The following ARID1A variants were observed in gnomAD, a reference collection of about 807,000 sequenced individuals.
ARID1A encodes the protein AT-rich interaction domain 1A.
ARID1A carries 20 observed loss-of-function variants against 212.6 expected under a neutral mutation model. The ratio of observed to expected loss-of-function variants is 0.09; its 90% confidence interval spans 0.07 to 0.14. ARID1A has a LOEUF of 0.14. Ranked by LOEUF, ARID1A falls within the 10% of genes least tolerant of loss-of-function variation. The probability of loss-of-function intolerance (pLI) is 1.00; values close to 1 mark genes in which losing one functional copy is unlikely to be tolerated. For missense variants in ARID1A, 2,587 were observed against 3,059.0 expected (o/e 0.85, Z 3.64); for synonymous variants, 1,376 against 1,222.1 (o/e 1.13, Z -2.63).
intron 4 of ARID1A, among the ~76,000 whole-genome samples, chr1:26,744,160 T>G (rs1457953139): frequency 6.6e-6 from 1 of 152,184 alleles, no homozygotes; most frequent in Non-Finnish European, 1.5e-5. Flanking sequence ...AGAACGCTGG[T>G]TCTCTGGGCT....
intron 12 of ARID1A, chr1:26,772,276 T>A: frequency 1.7e-6 from 1 of 599,754 alleles, no homozygotes. Context: ...CATGGCCACA[T>A]CACTCCTCTT....
At chr1:26,754,764 A>G (rs1485334680) in intron 4 of ARID1A, among the ~76,000 whole-genome samples, 2 of 152,168 alleles carry the variant, frequency 1.3e-5, no homozygotes, top group Admixed American at 1.3e-4. Context: ...GGCTTCCACC[A>G]CTTGCCAGAT....
chr1:26,747,420 A>G (rs1157098750), intron 4 of ARID1A, among the ~76,000 whole-genome samples: 2 of 152,216 alleles, frequency 1.3e-5, no homozygotes, highest in African/African-American at 4.8e-5. Flanking sequence ...CTTGAGAGTC[A>G]GCGAACCTGT....
rs750682204 is a variant in ARID1A, at chr1:26,773,355, G to A, written c.3725G>A (p.Ser1242Asn). The change falls in exon 15 of 20, where the codon AGT becomes AAT. Residue 1242 changes from serine (S) to asparagine (N), a missense_variant. Physicochemically the swap from Ser to Asn is conservative, Grantham distance 46. This residue lies in a region of ARID1A where 890 missense variants were observed against 1,098.2 expected (regional missense o/e 0.81). Transcript: ENST00000324856. ...GCCTTTCTACGCTCAGCTCCAGGGA[G>A]TGATCCCTTCATGTCCTCAGGGCAG... ...PYGSMRKAPGSDPFMSSGQGP... is the reference protein window; with the variant it reads ...PYGSMRKAPGNDPFMSSGQGP... 1 of 1,590,126 alleles carries A rather than the reference G, an allele frequency of 6.3e-7. No individual in the cohort carries two copies. Among genetic ancestry groups the A allele is most frequent in the Non-Finnish European group, 8.6e-7 (1 of 1,169,426 alleles).
At chr1:26,717,577 T>G (rs2080515335) in intron 1 of ARID1A, among the ~76,000 whole-genome samples, 1 of 152,230 alleles carries the variant, frequency 6.6e-6, no homozygotes, top group Non-Finnish European at 1.5e-5. Flanking sequence ...GTTCTACAAA[T>G]TTCCAAGCTC....
chr1:26,761,649 T>TG (rs1218464061), intron 6 of ARID1A, among the ~76,000 whole-genome samples, 176 bp downstream of exon 6: 1 of 152,242 alleles, frequency 6.6e-6, no homozygotes, highest in African/African-American at 2.4e-5. Flanking sequence ...GGGTACATAA[T>TG]GATGTTTCAA....
rs2080267928 is a variant in ARID1A, at chr1:26,696,854, G to A, written c.451G>A (p.Gly151Arg). ...CTTGCCGCCCCCAGCCTACGGCTTC[G>A]GGCAACCCTACGGCCGGAGCCCGTC... ...AALPPPAYGF[G>R]QPYGRSPSAV... The change falls in exon 1 of 20, where the codon GGG becomes AGG. Residue 151 changes from glycine to arginine, a missense_variant. This residue lies in a region of ARID1A where 735 missense variants were observed against 590.6 expected (regional missense o/e 1.24). Transcript: ENST00000324856. 6.0e-6 allele frequency: 8 copies of A among 1,341,832 alleles called. No homozygotes were observed. Among genetic ancestry groups the A allele is most frequent in the Non-Finnish European group, 7.6e-6 (8 of 1,047,662 alleles). The allele number at this position is 1,341,832 out of a possible 1,614,324, so 83.1% of individuals were successfully genotyped here.
At chr1:26,711,249 G>A (rs2080450986) in intron 1 of ARID1A, among the ~76,000 whole-genome samples, 1 of 151,864 alleles carries the variant, frequency 6.6e-6, no homozygotes, top group African/African-American at 2.4e-5. Context: ...TGGGATTACA[G>A]GTCCACGCCA....
intron 1 of ARID1A, among the ~76,000 whole-genome samples, chr1:26,726,967 G>A (rs1328411553): frequency 3.3e-5 from 5 of 152,246 alleles, no homozygotes; most frequent in Non-Finnish European, 7.3e-5. Flanking sequence ...TGGACAGGAG[G>A]GCAGGGCAGG....
intron 3 of ARID1A, among the ~76,000 whole-genome samples, chr1:26,731,931 A>G (rs923344921): frequency 3.3e-5 from 5 of 152,142 alleles, no homozygotes; most frequent in African/African-American, 1.2e-4. Context: ...GAACTTCAGC[A>G]TCTAAGTGAG....
chr1:26,761,171 C>T (rs2124057952), intron 5 of ARID1A, 75 bp downstream of exon 5: 4 of 1,569,964 alleles, frequency 2.5e-6, no homozygotes, highest in Non-Finnish European at 3.5e-6. Flanking sequence ...CCTAGTCTTC[C>T]ACTGGCAGAG....
intron 1 of ARID1A, among the ~76,000 whole-genome samples, chr1:26,725,717 T>A (rs1236113016): frequency 1.3e-5 from 2 of 152,150 alleles, no homozygotes; most frequent in East Asian, 3.8e-4. Flanking sequence ...ATAGCCCCCA[T>A]GTAAGTAGCT....
At position 26,781,357 on chromosome 1, in the gene ARID1A, C is replaced by G; in HGVS notation, c.*601C>G. On this transcript the variant is annotated 3_prime_UTR_variant, in exon 20 of 20. Coordinates refer to ENST00000324856, the MANE Select transcript of ARID1A (RefSeq NM_006015.6). ...CATGTACTGTACTGTACACCTGATA[C>G]TGTAAACATACTGTAATAATAATGT... 1 of 233,160 alleles carries G rather than the reference C, an allele frequency of 4.3e-6. No individual in the cohort carries two copies. The highest frequency in any genetic ancestry group is 8.5e-6 in the Non-Finnish European group (1 of 117,956). The allele number at this position is 233,160 out of a possible 1,614,324, so 14.4% of individuals were successfully genotyped here. A position where few individuals can be genotyped will look rare whatever the true frequency, so the allele number is the denominator to read the frequency against.
chr1:26,711,331 C>T (rs2080451724), intron 1 of ARID1A, among the ~76,000 whole-genome samples: 2 of 151,916 alleles, frequency 1.3e-5, no homozygotes, highest in Non-Finnish European at 2.9e-5. Flanking sequence ...CCATGTTGGC[C>T]ATGCAAGTCT....
chr1:26,729,019 A>G (rs562538489), intron 1 of ARID1A: 14 of 152,336 alleles, frequency 9.2e-5, no homozygotes, highest in African/African-American at 3.4e-4. Context: ...TTGTCTCTCA[A>G]AGAGATAAAA....
At position 26,777,333 on chromosome 1, in the gene ARID1A, A is replaced by T. The variant is rs367825278; in HGVS notation, c.5124+1626A>T. ...CTTCCGAGGCTCAGGTGATCCTCCC[A>T]CCTCAGCTTCCCAAGTGGCTGGGAC... is the stretch of plus-strand genomic sequence containing the variant. On this transcript the variant is annotated intron_variant, in intron 19 of 19. Transcript: ENST00000324856. 2.1e-4 allele frequency among the ~76,000 whole-genome samples: 32 copies of T among 150,666 alleles called. No homozygotes were observed. The South Asian group carries it at 4.4e-3, about 21-fold the overall frequency.
At chr1:26,715,134 G>C (rs921050997) in intron 1 of ARID1A, among the ~76,000 whole-genome samples, 1 of 152,206 alleles carries the variant, frequency 6.6e-6, no homozygotes, top group Non-Finnish European at 1.5e-5. Context: ...GAAAGAAAAC[G>C]AGGCTTTGAA....
At chr1:26,710,747 T>C (rs1033267452) in intron 1 of ARID1A, among the ~76,000 whole-genome samples, 1 of 152,188 alleles carries the variant, frequency 6.6e-6, no homozygotes, top group Non-Finnish European at 1.5e-5. Flanking sequence ...TACACTCAAC[T>C]GGGCTGCAGA....
At chr1:26,725,530 A>G (rs927474683) in intron 1 of ARID1A, among the ~76,000 whole-genome samples, 7 of 152,206 alleles carry the variant, frequency 4.6e-5, no homozygotes, top group Non-Finnish European at 7.3e-5. Flanking sequence ...TTTGCCAAAT[A>G]AGCTGCATAT....
Sources: gnomAD v4.1 joint callset for allele counts (sites outside exome capture counted in the v4.1 genomes callset) on GRCh38, gnomAD v4.1.1 for gene constraint, gnomAD v4.1.1 regional missense constraint, MANE v1.5 for transcripts, NCBI Gene and HGNC (gene_info 2026-07-23, HGNC 2026-07-21) for gene names.